LARGE1: variants seen among roughly 807,000 people sequenced by gnomAD.
LARGE1 encodes xylosyl- and glucuronyltransferase LARGE1.
Under a neutral mutation model 87.6 loss-of-function variants are expected in LARGE1, and 43 were observed. The ratio of observed to expected loss-of-function variants is 0.49; its 90% CI spans 0.38 to 0.63. The LOEUF is 0.63. LARGE1 is among the 30% of genes least tolerant of loss of function. The pLI is 0.00. For synonymous variants in LARGE1, 434 were observed against 394.6 expected, an observed-to-expected ratio of 1.10 and a Z score of -1.18; for missense variants, 802 against 1,000.2, an observed-to-expected ratio of 0.80 and a Z score of 2.67.
the LARGE1 span, among the ~76,000 whole-genome samples, chr22:33,103,942 A>G: frequency 6.6e-6 from 1 of 152,190 alleles, no homozygotes; most frequent in Non-Finnish European, 1.5e-5. Context: ...GTCTGCCACC[A>G]TGTAAGAAGT....
chr22:33,669,471 A>G (rs2081349666), intron 2 of LARGE1, among the ~76,000 whole-genome samples: 1 of 152,222 alleles, frequency 6.6e-6, no homozygotes, highest in Non-Finnish European at 1.5e-5. Context: ...AAGCAAAACA[A>G]TGTCCACAGA....
chr22:33,914,068 A>C (rs1340659607), intron 1 of LARGE1, among the ~76,000 whole-genome samples: 1 of 152,194 alleles, frequency 6.6e-6, no homozygotes, highest in East Asian at 1.9e-4. Context: ...CCTAAAATAC[A>C]GCACTCCTCC....
chr22:33,690,911 G>T (rs145019449), intron 2 of LARGE1, among the ~76,000 whole-genome samples: 1 of 152,040 alleles, frequency 6.6e-6, no homozygotes, highest in African/African-American at 2.4e-5. Flanking sequence ...ATAAAGTACC[G>T]CTGAACTAGT....
chr22:33,379,261 T>C lies in LARGE1; in HGVS notation c.1131+2658A>G, dbSNP rs537748886. Among the ~76,000 whole-genome samples, 4 of 148,140 alleles carry C rather than the reference T, an allele frequency of 2.7e-5. No individual in the cohort carries two copies. In the South Asian group the frequency reaches 8.8e-4, roughly 32 times the overall value. On this transcript the variant is annotated intron_variant, in intron 9 of 14. Coordinates refer to ENST00000397394, the MANE Select transcript of LARGE1 (RefSeq NM_133642.5). ...CTTTATATTTGCTGAGTGATTTCTT[T>C]CTTTTTTTTTTTTTTATTATACTTT... is the stretch of plus-strand genomic sequence containing the variant.
At chr22:33,280,963 C>G (rs141741287) in intron 13 of LARGE1, among the ~76,000 whole-genome samples, 1 of 152,166 alleles carries the variant, frequency 6.6e-6, no homozygotes, top group Non-Finnish European at 1.5e-5. Context: ...GTCCAGGGAC[C>G]GCATTCTGGA....
upstream of LARGE1, among the ~76,000 whole-genome samples, chr22:33,921,220 G>C (rs1319441253): frequency 1.3e-5 from 2 of 152,114 alleles, no homozygotes; most frequent in Admixed American, 1.3e-4. This position sits in a 1 kb window ranked among gnomAD's most constrained non-coding sequence, Gnocchi z 4.1. Context: ...TGCTTCTTCA[G>C]CTCGCTGGCT....
intron 2 of LARGE1, among the ~76,000 whole-genome samples, chr22:33,679,509 GA>G (rs2081683183): frequency 6.6e-6 from 1 of 151,900 alleles, no homozygotes; most frequent in African/African-American, 2.4e-5. Flanking sequence ...GCCTTGTGAA[GA>G]CTTGGAGTCA....
At chr22:33,553,037 C>G (rs1201671353) in intron 6 of LARGE1, among the ~76,000 whole-genome samples, 4 of 152,160 alleles carry the variant, frequency 2.6e-5, no homozygotes, top group Admixed American at 2.0e-4. Flanking sequence ...GGAGCAAACC[C>G]CCAACTCCTA....
At chr22:33,423,705 T>G (rs1041111805) in intron 7 of LARGE1, among the ~76,000 whole-genome samples, 2 of 149,014 alleles carry the variant, frequency 1.3e-5, no homozygotes, top group African/African-American at 5.0e-5. Context: ...AAATTACACT[T>G]GTAGGCAATA....
At chr22:33,537,077 C>T (rs2148613080) in intron 6 of LARGE1, among the ~76,000 whole-genome samples, 1 of 152,360 alleles carries the variant, frequency 6.6e-6, no homozygotes, top group Admixed American at 6.5e-5. Context: ...TCCCAAAGGG[C>T]TGGGATTACA....
rs533507042 is a variant in LARGE1, at chr22:33,484,163, A to C, written c.788-51898T>G. 4.6e-5 allele frequency among the ~76,000 whole-genome samples: 7 copies of C among 152,292 alleles called. No homozygotes were observed. In the South Asian group the frequency reaches 1.5e-3, roughly 32 times the overall value. ...GGAAGAGTTTGATGTTCCTGGGTTT[A>C]AAAAATTCGTCAGCTACAGTTCTAA... On this transcript the variant is annotated intron_variant, in intron 6 of 14. Coordinates refer to ENST00000397394, the MANE Select transcript of LARGE1 (RefSeq NM_133642.5).
At chr22:33,246,820 C>T (rs1426679846) in intron 11 of LARGE1, among the ~76,000 whole-genome samples, 1 of 152,114 alleles carries the variant, frequency 6.6e-6, no homozygotes, top group Non-Finnish European at 1.5e-5. Flanking sequence ...CTTTTTATCA[C>T]TGAAAGCCTG....
chr22:33,626,352 G>GCAGT, intron 3 of LARGE1, 26 bp from the exon 4 acceptor site: 1 of 1,595,256 alleles, frequency 6.3e-7, no homozygotes, highest in Non-Finnish European at 8.6e-7. Context: ...GACGGGGTGA[G>GCAGT]CAGTCAGACA....
intron 11 of LARGE1, among the ~76,000 whole-genome samples, chr22:33,219,324 G>A (rs1411364057): frequency 6.6e-6 from 1 of 152,158 alleles, no homozygotes; most frequent in East Asian, 1.9e-4. Flanking sequence ...GTCAGTCAAA[G>A]GTCATTTCTA....
At chr22:33,881,362 A>G (rs1377420592) in intron 1 of LARGE1, among the ~76,000 whole-genome samples, 1 of 152,246 alleles carries the variant, frequency 6.6e-6, no homozygotes, top group Non-Finnish European at 1.5e-5. Context: ...CCAAATGAGC[A>G]GCTGGAGGAC....
intron 6 of LARGE1, among the ~76,000 whole-genome samples, chr22:33,477,315 T>C (rs942379644): frequency 1.3e-5 from 2 of 152,154 alleles, no homozygotes; most frequent in African/African-American, 4.8e-5. Flanking sequence ...TTATAAGGAA[T>C]GGGGAATTTT....
intron 6 of LARGE1, among the ~76,000 whole-genome samples, chr22:33,554,246 A>G (rs1304917072): frequency 6.6e-6 from 1 of 151,732 alleles, no homozygotes. Flanking sequence ...CCCCCATCCA[A>G]TGAGCCCTGT....
chr22:33,142,932 G>C, the LARGE1 span, among the ~76,000 whole-genome samples: 2 of 152,200 alleles, frequency 1.3e-5, no homozygotes, highest in Admixed American at 6.5e-5. Flanking sequence ...GGGAGAGAGA[G>C]AGACATTCGA....
At chr22:33,739,427 A>C (rs56288740) in intron 2 of LARGE1, among the ~76,000 whole-genome samples, 1 of 152,296 alleles carries the variant, frequency 6.6e-6, no homozygotes, top group South Asian at 2.1e-4. Context: ...GATTTCATAA[A>C]CCAAAAAACC....
Sources: allele counts gnomAD v4.1 joint callset (sites outside exome capture counted in the v4.1 genomes callset), GRCh38; gene constraint gnomAD v4.1.1; non-coding constraint Gnocchi (gnomAD v3.1); transcripts MANE v1.5; gene names NCBI Gene and HGNC (gene_info 2026-07-23, HGNC 2026-07-21).